The following MINDY4 variants were observed in gnomAD, a reference collection of about 807,000 sequenced individuals.
MINDY4 encodes the protein MINDY lysine 48 deubiquitinase 4.
Under a neutral mutation model 87.0 loss-of-function variants are expected in MINDY4, and 68 were observed. The ratio of observed to expected loss-of-function variants is 0.78; its 90% CI spans 0.64 to 0.96. The LOEUF (loss-of-function observed/expected upper bound fraction) is 0.96, where lower values mean the gene tolerates loss of function less well. MINDY4 is among the 40% of genes least tolerant of loss of function. The pLI is 0.00. For synonymous variants in MINDY4, 379 were observed against 363.2 expected, an observed-to-expected ratio of 1.04 and a Z score of -0.50; for missense variants, 919 against 928.2, an observed-to-expected ratio of 0.99 and a Z score of 0.13.
chr7:30,784,182 T>TA (rs1787086018), intron 3 of MINDY4, among the ~76,000 whole-genome samples: 1 of 152,200 alleles, frequency 6.6e-6, no homozygotes, highest in African/African-American at 2.4e-5. Context: ...CCGAGGCACT[T>TA]ACTACCTGGC....
intron 13 of MINDY4, among the ~76,000 whole-genome samples, chr7:30,865,874 A>C (rs1225897635): frequency 6.6e-6 from 1 of 152,160 alleles, no homozygotes; most frequent in Non-Finnish European, 1.5e-5. Context: ...GGACTGTGGG[A>C]GGGGTAACAG....
chr7:30,827,894 C>G (rs992646221), intron 5 of MINDY4, among the ~76,000 whole-genome samples: 1 of 152,186 alleles, frequency 6.6e-6, no homozygotes, highest in African/African-American at 2.4e-5. Context: ...ATGCCACACT[C>G]AAAAGAGCTG....
chr7:30,781,951 G>C, intron 2 of MINDY4, 26 bp from the exon 3 acceptor site: 5 of 1,509,674 alleles, frequency 3.3e-6, no homozygotes, highest in Non-Finnish European at 4.6e-6. Flanking sequence ...ATAAATTAAT[G>C]ATTTTTTTTT....
chr7:30,778,344 G>A, intron 1 of MINDY4, 88 bp from the exon 2 acceptor site: 2 of 1,527,046 alleles, frequency 1.3e-6, no homozygotes, highest in Non-Finnish European at 1.8e-6. Context: ...TTATCTTGGT[G>A]AACATCAGGA....
intron 1 of MINDY4, among the ~76,000 whole-genome samples, chr7:30,773,571 A>T (rs1403276253): frequency 3.9e-5 from 6 of 152,060 alleles, no homozygotes; most frequent in Non-Finnish European, 8.8e-5. Context: ...GGGAGTCATG[A>T]TAGTCTCCTG....
At chr7:30,859,717 C>T (rs1205648143) in intron 13 of MINDY4, among the ~76,000 whole-genome samples, 1 of 152,180 alleles carries the variant, frequency 6.6e-6, no homozygotes, top group Admixed American at 6.5e-5. Context: ...AGGAAGGCCT[C>T]GCTGTAGACC....
At chr7:30,808,665 C>G (rs1157883637) in intron 5 of MINDY4, among the ~76,000 whole-genome samples, 1 of 152,094 alleles carries the variant, frequency 6.6e-6, no homozygotes. Context: ...ATAGACTGGC[C>G]AGCATTAGAG....
chr7:30,771,501 G>T lies in MINDY4; in HGVS notation c.8G>T (p.Ser3Ile). The T allele has an allele frequency of 1.2e-5, 19 of 1,605,356 alleles. No homozygotes were observed. The highest frequency in any genetic ancestry group is 1.6e-5 in the Non-Finnish European group (19 of 1,177,128). Residue 3 changes from serine (S) to isoleucine (I), a missense_variant, in exon 1 of 18, where the codon AGC becomes ATC. By Grantham distance (142) the Ser-to-Ile change is moderately radical. Coordinates refer to ENST00000265299, the MANE Select transcript of MINDY4 (RefSeq NM_032222.3). ...AGAGCCAGAGCCAGAGCCATGGACA[G>T]CCTCTTCGTGGAGGAGGTGGCCGCC... MD[S>I]LFVEEVAASL...
intron 5 of MINDY4, among the ~76,000 whole-genome samples, chr7:30,826,713 C>T (rs1788524469): frequency 6.6e-6 from 1 of 152,114 alleles, no homozygotes; most frequent in African/African-American, 2.4e-5. Flanking sequence ...CCTGTGCTGC[C>T]ACGGGATAGG....
Position 30,839,264 on chromosome 7 carries a change from GT to G in MINDY4, c.1309del (p.Ser437ProfsTer8), listed in dbSNP as rs759927028. On this transcript the variant is annotated frameshift_variant, in exon 8 of 18. Transcript: ENST00000265299. LOFTEE classifies it high-confidence loss of function. The stretch of plus-strand genomic sequence containing the variant: ...TTCAATGAAGAATGGAAACTTCAGA[GT>G]TTTTCCTTTAGTAACACAGCCTCAT... ...CCFNEEWKLQ[S>X]FSFSNTASLK... The G allele has an allele frequency of 6.2e-7, 1 of 1,612,938 alleles. No homozygotes were observed. Among genetic ancestry groups the G allele is most frequent in the Admixed American group, 1.7e-5 (1 of 59,828 alleles).
chr7:30,890,196 C>G lies in MINDY4; in HGVS notation c.2226-1761C>G, dbSNP rs190491752. Among the ~76,000 whole-genome samples, 10 of 152,346 alleles carry G rather than the reference C, an allele frequency of 6.6e-5. 2 individuals carry two copies. Among genetic ancestry groups the G allele is most frequent in the African/African-American group, 2.4e-4 (10 of 41,592 alleles). Reference sequence around the variant, plus strand: ...TTTTCCAGCATCCACCTGTTTCAACCTTTTATGCCGAGTGTTTTAACAAGA... The same window carrying G: ...TTTTCCAGCATCCACCTGTTTCAACGTTTTATGCCGAGTGTTTTAACAAGA... On this transcript the variant is annotated intron_variant, in intron 17 of 17. Transcript: ENST00000265299.
At chr7:30,853,368 C>T in intron 11 of MINDY4, 26 bp from the exon 12 acceptor site, 2 of 1,606,418 alleles carry the variant, frequency 1.2e-6, no homozygotes, top group Non-Finnish European at 1.7e-6. Flanking sequence ...TTGGGCCACT[C>T]ATCCTGAGTG....
intron 5 of MINDY4, among the ~76,000 whole-genome samples, chr7:30,811,200 T>C (rs1467422503): frequency 6.6e-6 from 1 of 151,478 alleles, no homozygotes; most frequent in African/African-American, 2.4e-5. Flanking sequence ...GTGTTAACAG[T>C]TAACAGTGTT....
intron 11 of MINDY4, among the ~76,000 whole-genome samples, chr7:30,852,579 T>C (rs1412900516): frequency 6.6e-6 from 1 of 151,668 alleles, no homozygotes; most frequent in African/African-American, 2.4e-5. Flanking sequence ...TGTGTCCTTC[T>C]TCCTCTTTCT....
intron 9 of MINDY4, 56 bp from the exon 10 acceptor site, chr7:30,850,398 A>G (rs776545676): frequency 1.9e-4 from 288 of 1,486,572 alleles, no homozygotes; most frequent in Non-Finnish European, 2.4e-4. Flanking sequence ...GTAGAGCTGC[A>G]CCATCTCAAC....
chr7:30,798,898 C>A (rs1362535406), intron 5 of MINDY4, among the ~76,000 whole-genome samples: 1 of 152,180 alleles, frequency 6.6e-6, no homozygotes, highest in East Asian at 1.9e-4. Flanking sequence ...CACATGTGAG[C>A]AGTGAGCTGT....
chr7:30,827,197 G>A (rs1196266040), intron 5 of MINDY4, among the ~76,000 whole-genome samples: 1 of 152,188 alleles, frequency 6.6e-6, no homozygotes. Flanking sequence ...TTCCCTGCTT[G>A]AAATGGTTCA....
At chr7:30,826,413 A>T (rs6969636) in intron 5 of MINDY4, among the ~76,000 whole-genome samples, 1 of 152,078 alleles carries the variant, frequency 6.6e-6, no homozygotes, top group South Asian at 2.1e-4. Context: ...GCTGAGAAGA[A>T]GCTGATGTTC....
rs61741901 is a variant in MINDY4, at chr7:30,791,287, G to A, written c.786G>A (p.Ser262=). ...FVCTQQDILA[S]SNSSPSRTSL... ...GCACCCAACAGGACATTCTGGCTTC[G>A]AGCAACAGCTCCCCCTCCAGGACCT... The change falls in exon 5 of 18, where the codon TCG becomes TCA. Residue 262 remains serine, a synonymous_variant. Transcript: ENST00000265299. 36 of 1,613,988 alleles carry A rather than the reference G, an allele frequency of 2.2e-5. No individual in the cohort carries two copies. The highest frequency in any genetic ancestry group is 6.7e-5 in the East Asian group (3 of 44,878).
Sources: allele counts gnomAD v4.1 joint callset (sites outside exome capture counted in the v4.1 genomes callset), GRCh38; gene constraint gnomAD v4.1.1; transcripts MANE v1.5; gene names NCBI Gene and HGNC (gene_info 2026-07-23, HGNC 2026-07-21).